Variants in AACS observed in about 807,000 individuals in gnomAD.
The protein encoded by AACS is acetoacetate-CoA ligase.
A neutral mutation model predicts 83.1 loss-of-function variants in AACS; 69 were observed. The ratio of observed to expected loss-of-function variants is 0.83; its 90% CI spans 0.68 to 1.01. The LOEUF (loss-of-function observed/expected upper bound fraction) is 1.01, where lower values mean the gene tolerates loss of function less well. Ranked by LOEUF, AACS falls within the 50% of genes least tolerant of loss-of-function variation. AACS has a pLI of 0.00. For synonymous variants in AACS, 333 were observed against 343.4 expected (o/e 0.97, Z 0.33); for missense variants, 866 against 882.2 (o/e 0.98, Z 0.23).
chr12:125,086,630 C>T (rs1956345480), intron 4 of AACS, among the ~76,000 whole-genome samples, 187 bp downstream of exon 4: 1 of 152,220 alleles, frequency 6.6e-6, no homozygotes, highest in Non-Finnish European at 1.5e-5. Context: ...ATATGCTGCT[C>T]TGCGAAGGCA....
chr12:125,096,992 A>G (rs1956622163), intron 5 of AACS, among the ~76,000 whole-genome samples: 8 of 152,218 alleles, frequency 5.3e-5, no homozygotes, highest in Admixed American at 5.2e-4. Flanking sequence ...TGGCATTCTC[A>G]GTCCAGGAGG....
Position 125,103,044 on chromosome 12 carries a change from TC to T in AACS, c.732del (p.Arg245GlufsTer4). On this transcript the variant is annotated frameshift_variant, in exon 7 of 18. Coordinates refer to ENST00000316519, the MANE Select transcript of AACS (RefSeq NM_023928.5). LOFTEE classifies it high-confidence loss of function. Reference protein sequence around the residue: ...KKVVVIPYVSSRENIDLSKIP... With the variant: ...KKVVVIPYVSXRENIDLSKIP... ...AGTGGTGGTGATTCCTTATGTGTCC[TC>T]CAGAGAGAACATAGACCTTTCAAAG... The T allele has an allele frequency of 6.2e-7, 1 of 1,614,098 alleles. No homozygotes were observed. Among genetic ancestry groups the T allele is most frequent in the Non-Finnish European group, 8.5e-7 (1 of 1,180,012 alleles).
chr12:125,138,414 T>C (rs1345253329), intron 17 of AACS: 1 of 152,270 alleles, frequency 6.6e-6, no homozygotes, highest in Non-Finnish European at 1.5e-5. Context: ...CTTGAATCAG[T>C]GACCCTTATT....
chr12:125,115,862 T>G (rs549447942), intron 9 of AACS, among the ~76,000 whole-genome samples: 20 of 151,800 alleles, frequency 1.3e-4, no homozygotes, highest in Non-Finnish European at 2.5e-4. Flanking sequence ...TACACAGAGA[T>G]GCAGAAAGGG....
chr12:125,072,522 A>C (rs1955898139), intron 1 of AACS, among the ~76,000 whole-genome samples: 1 of 152,094 alleles, frequency 6.6e-6, no homozygotes, highest in African/African-American at 2.4e-5. Context: ...TCTTCCTGTT[A>C]TGTTATTATA....
At chr12:125,074,687 G>T (rs1955972289) in intron 2 of AACS, among the ~76,000 whole-genome samples, 4 of 120,782 alleles carry the variant, frequency 3.3e-5, no homozygotes, top group East Asian at 2.4e-4. Context: ...TTTTTGAGGT[G>T]GAGTCTTGCT....
chr12:125,078,625 A>G (rs1362746890), intron 3 of AACS, among the ~76,000 whole-genome samples: 1 of 152,194 alleles, frequency 6.6e-6, no homozygotes, highest in Non-Finnish European at 1.5e-5. Flanking sequence ...GTTCGAGACC[A>G]GCCTGGCCAA....
At position 125,086,379 on chromosome 12, in the gene AACS, A is replaced by G; in HGVS notation, c.408A>G (p.Gln136=). The change falls in exon 4 of 18, where the codon CAA becomes CAG. Residue 136 remains glutamine (Q), a synonymous_variant. Transcript: ENST00000316519. ...AGGTGACTTTTGAAGAGCTGAGGCA[A>G]GAAGTGGCTTTGTTTGCAGCAGCAA... ...IVKVTFEELR[Q]EVALFAAAMR... is the part of the protein sequence containing the mutation. 6.2e-7 allele frequency: 1 copy of G among 1,614,218 alleles called. No individual in the cohort carries two copies. The highest frequency in any genetic ancestry group is 8.5e-7 in the Non-Finnish European group (1 of 1,180,040).
In AACS at chr12:125,129,108, C is replaced by T. The variant is rs751693019; in HGVS notation, c.1424-227C>T. 260 of 442,712 alleles carry T rather than the reference C, an allele frequency of 5.9e-4. 2 individuals carry two copies. Among genetic ancestry groups the T allele is most frequent in the South Asian group, 1.7e-4 (5 of 29,802 alleles). The allele number at this position is 442,712 out of a possible 1,614,324, so 27.4% of individuals were successfully genotyped here. On this transcript the variant is annotated intron_variant, in intron 13 of 17. Coordinates refer to ENST00000316519, the MANE Select transcript of AACS (RefSeq NM_023928.5). This position sits in a 1 kb window ranked among gnomAD's most constrained non-coding sequence, Gnocchi z 4.3. ...GTTAACACACATGGGAATAACAAATCACTACGTCCGAGACAGCGATTTTGG... is the reference window on the plus strand; with the variant it reads ...GTTAACACACATGGGAATAACAAATTACTACGTCCGAGACAGCGATTTTGG...
chr12:125,112,629 G>A (rs373816600), intron 8 of AACS, among the ~76,000 whole-genome samples: 11 of 138,840 alleles, frequency 7.9e-5, no homozygotes, highest in South Asian at 4.5e-4. Flanking sequence ...GCAGTGAGCC[G>A]AGATCACACC....
intron 14 of AACS, among the ~76,000 whole-genome samples, 161 bp from the exon 15 acceptor site, chr12:125,133,842 C>G (rs1314952018): frequency 6.6e-6 from 1 of 152,226 alleles, no homozygotes; most frequent in Non-Finnish European, 1.5e-5. Context: ...GGGCATGTTC[C>G]TTGGGGCAGG....
At position 125,072,382 on chromosome 12, in the gene AACS, C is replaced by T. The variant is rs1955893397; in HGVS notation, c.134-1494C>T. ...CTGAAGGGCAGGGAGCATCGTGTCT[C>T]TTCTTGTCTTCCCCACCGGGGCTGG... On this transcript the variant is annotated intron_variant, in intron 1 of 17. Coordinates refer to ENST00000316519, the MANE Select transcript of AACS (RefSeq NM_023928.5). 2.0e-5 allele frequency among the ~76,000 whole-genome samples: 3 copies of T among 152,198 alleles called. No homozygotes were observed. The South Asian group carries it at 6.2e-4, about 31-fold the overall frequency.
rs546606759 is a variant in AACS, at chr12:125,115,923, G to A, written c.996+1366G>A. 9.2e-5 allele frequency among the ~76,000 whole-genome samples: 14 copies of A among 152,278 alleles called. 1 individual carries two copies. The South Asian group carries it at 2.5e-3, about 27-fold the overall frequency. ...CACCCGTGCAGGGGACAGACCCCTG[G>A]GATCTCACACAGGCTCAAGAGTGGT... On this transcript the variant is annotated intron_variant, in intron 9 of 17. Coordinates refer to ENST00000316519, the MANE Select transcript of AACS (RefSeq NM_023928.5).
rs1187850042 is a variant in AACS at position 125,143,102 on chromosome 12, GT to G, written c.*874del. On this transcript the variant is annotated 3_prime_UTR_variant, in exon 18 of 18. Transcript: ENST00000316519. ...GAGATCATGTCATCAGCACCCCTAA[GT>G]CAAGTCACGGGTTTCCATAGCCAGG... 1 of 152,234 alleles carries G rather than the reference GT, an allele frequency of 6.6e-6. No individual in the cohort carries two copies. Among genetic ancestry groups the G allele is most frequent in the Non-Finnish European group, 1.5e-5 (1 of 68,052 alleles). 9.4% of individuals were successfully genotyped at this position (152,234 alleles called of 1,614,324 possible).
At chr12:125,100,910 A>G (rs149551614) in intron 5 of AACS, 5 of 152,200 alleles carry the variant, frequency 3.3e-5, no homozygotes, top group Non-Finnish European at 7.3e-5. Flanking sequence ...TAGTTATCCT[A>G]ATGAGCTTAA....
At chr12:125,106,260 T>C (rs991772803) in intron 7 of AACS, among the ~76,000 whole-genome samples, 1 of 152,218 alleles carries the variant, frequency 6.6e-6, no homozygotes, top group Non-Finnish European at 1.5e-5. Flanking sequence ...GAATTCAAAA[T>C]AGAAAACCAC....
intron 16 of AACS, among the ~76,000 whole-genome samples, chr12:125,136,395 C>T (rs1229755546): frequency 6.6e-6 from 1 of 152,142 alleles, no homozygotes; most frequent in Non-Finnish European, 1.5e-5. Flanking sequence ...AGGCCCACAC[C>T]TGGCTTCCTG....
In AACS at chr12:125,094,869, C is replaced by T. The variant is rs887001397; in HGVS notation, c.570+3346C>T. 1.3e-5 allele frequency among the ~76,000 whole-genome samples: 2 copies of T among 152,102 alleles called. No individual in the cohort carries two copies. Among genetic ancestry groups the T allele is most frequent in the African/African-American group, 2.4e-5 (1 of 41,414 alleles). On this transcript the variant is annotated intron_variant, in intron 5 of 17. Transcript: ENST00000316519. This position sits in a 1 kb window ranked among gnomAD's most constrained non-coding sequence, Gnocchi z 4.1. Reference sequence around the variant, plus strand: ...TTTGTTTCACTGTTTACCTTTGAGCCTTTGCCATTTTCAGAGATGTCAGGG... The same window carrying T: ...TTTGTTTCACTGTTTACCTTTGAGCTTTTGCCATTTTCAGAGATGTCAGGG...
chr12:125,079,217 G>A (rs1284588111), intron 3 of AACS, among the ~76,000 whole-genome samples: 1 of 152,182 alleles, frequency 6.6e-6, no homozygotes, highest in Non-Finnish European at 1.5e-5. Flanking sequence ...GGGCCTCGGT[G>A]GTGAGTCCAG....
Sources: allele counts gnomAD v4.1 joint callset (sites outside exome capture counted in the v4.1 genomes callset), GRCh38; gene constraint gnomAD v4.1.1; non-coding constraint Gnocchi (gnomAD v3.1); transcripts MANE v1.5; gene names NCBI Gene and HGNC (gene_info 2026-07-23, HGNC 2026-07-21).